Variants in CTNNA3 observed in about 807,000 individuals in gnomAD.
The protein encoded by CTNNA3 is catenin alpha 3, also known as catenin alpha-3.
In CTNNA3, 76 loss-of-function variants were observed where a neutral mutation model predicts 95.7. The ratio of observed to expected loss-of-function variants is 0.79; its 90% CI spans 0.66 to 0.96. CTNNA3 has a LOEUF of 0.96. Among genes scored for constraint, CTNNA3 ranks in the 40% least tolerant of loss-of-function variants. CTNNA3 has a pLI of 0.00. For synonymous variants in CTNNA3, 431 were observed against 374.4 expected, an observed-to-expected ratio of 1.15 and a Z score of -1.74; for missense variants, 1,191 against 1,089.8, an observed-to-expected ratio of 1.09 and a Z score of -1.31.
At position 67,180,405 on chromosome 10, in the gene CTNNA3, G is replaced by C; in HGVS notation, c.959C>G (p.Thr320Arg). The C allele has an allele frequency of 6.2e-7, 1 of 1,613,756 alleles. No individual in the cohort carries two copies. Among genetic ancestry groups the C allele is most frequent in the Non-Finnish European group, 8.5e-7 (1 of 1,179,854 alleles). ...AATCCGCTCTCGGTGTAAGTCCCTCGTACATGAAGAATCCGCCAGCAGAGC... is the reference window on the plus strand; with the variant it reads ...AATCCGCTCTCGGTGTAAGTCCCTCCTACATGAAGAATCCGCCAGCAGAGC... ...GAALLADSSC[T>R]RDLHRERIIA... The change falls in exon 7 of 18, where the codon ACG becomes AGG. Residue 320 changes from threonine (T) to arginine (R), a missense_variant. Coordinates refer to ENST00000433211, the MANE Select transcript of CTNNA3 (RefSeq NM_013266.4).
At chr10:67,364,435 C>T (rs1275879938) in intron 5 of CTNNA3, among the ~76,000 whole-genome samples, 1 of 152,172 alleles carries the variant, frequency 6.6e-6, no homozygotes, top group Non-Finnish European at 1.5e-5. Context: ...CCTCTCTCAC[C>T]ACTCCTATTC....
At chr10:65,944,489 T>C (rs2077479040) in intron 17 of CTNNA3, among the ~76,000 whole-genome samples, 1 of 152,226 alleles carries the variant, frequency 6.6e-6, no homozygotes, top group African/African-American at 2.4e-5. Flanking sequence ...CAGCATAATT[T>C]ATCTTCCAGA....
chr10:66,430,493 C>T (rs1048181082), intron 11 of CTNNA3, among the ~76,000 whole-genome samples: 1 of 152,190 alleles, frequency 6.6e-6, no homozygotes, highest in African/African-American at 2.4e-5. Flanking sequence ...TGCTACCTGA[C>T]TTCAGACTAT....
intron 17 of CTNNA3, among the ~76,000 whole-genome samples, chr10:65,932,428 A>C (rs1400345370): frequency 1.3e-5 from 2 of 152,186 alleles, no homozygotes; most frequent in Non-Finnish European, 2.9e-5. Flanking sequence ...CATATGCTTT[A>C]AAATATTATC....
At chr10:67,262,445 A>C (rs1866658821) in intron 5 of CTNNA3, among the ~76,000 whole-genome samples, 1 of 152,172 alleles carries the variant, frequency 6.6e-6, no homozygotes, top group South Asian at 2.1e-4. Flanking sequence ...AGGAAAGCTT[A>C]TTACTAGTGA....
At chr10:66,186,749 G>C (rs2086365307) in intron 13 of CTNNA3, among the ~76,000 whole-genome samples, 1 of 151,988 alleles carries the variant, frequency 6.6e-6, no homozygotes, top group Admixed American at 6.6e-5. Flanking sequence ...AGACTATCAA[G>C]AATTTGGTGT....
intron 11 of CTNNA3, among the ~76,000 whole-genome samples, chr10:66,419,838 C>A (rs2093177157): frequency 6.6e-6 from 1 of 151,934 alleles, no homozygotes; most frequent in African/African-American, 2.4e-5. Context: ...CAGTCACAGG[C>A]AAAAGAATGA....
At chr10:66,746,055 C>T (rs1362996975) in intron 9 of CTNNA3, among the ~76,000 whole-genome samples, 2 of 151,982 alleles carry the variant, frequency 1.3e-5, no homozygotes, top group African/African-American at 4.8e-5. Context: ...AACTATATGC[C>T]ATCGGCATGT....
intron 5 of CTNNA3, among the ~76,000 whole-genome samples, chr10:67,342,141 G>A (rs578162749): frequency 2.1e-3 from 230 of 109,950 alleles, no homozygotes; most frequent in Middle Eastern, 0.01. Context: ...TCACTCTGTC[G>A]CCCAGGCTGG....
Position 66,621,718 on chromosome 10 carries a change from T to G in CTNNA3, c.1348A>C (p.Asn450His). 6.2e-7 allele frequency: 1 copy of G among 1,611,594 alleles called. No homozygotes were observed. The highest frequency in any genetic ancestry group is 2.2e-5 in the East Asian group (1 of 44,686). The change falls in exon 10 of 18, where the codon AAT becomes CAT. Residue 450 changes from asparagine (N) to histidine (H), a missense_variant. Physicochemically the swap from Asn to His is moderately conservative, Grantham distance 68. Coordinates refer to ENST00000433211, the MANE Select transcript of CTNNA3 (RefSeq NM_013266.4). ...TGTGGACACAAGGTTTCCAAATGAT[T>G]GGCTGCAATTTTGACAATTTTAATT... is the stretch of plus-strand genomic sequence containing the variant. ...DGIKIVKIAA[N>H]HLETLCPQII...
intron 3 of CTNNA3, among the ~76,000 whole-genome samples, chr10:67,577,290 T>C (rs1295600794): frequency 6.6e-6 from 1 of 151,856 alleles, no homozygotes; most frequent in African/African-American, 2.4e-5. Context: ...TGATTTGCAT[T>C]TCTCTGATGG....
intron 9 of CTNNA3, among the ~76,000 whole-genome samples, chr10:66,631,993 TAGC>T (rs59811010): frequency 0.069 from 10,517 of 152,094 alleles, 490 homozygotes; most frequent in Non-Finnish European, 0.1. Context: ...ATAAATTTCA[TAGC>T]AGTATATATC....
At position 67,579,740 on chromosome 10, in the gene CTNNA3, A is replaced by G. The variant is rs377075815; in HGVS notation, c.292+27117T>C. On this transcript the variant is annotated intron_variant, in intron 3 of 17. Transcript: ENST00000433211. Reference sequence around the variant, plus strand: ...GTTGTTTCCTGACTTTTTAATGATCACCATTCTAACTGGTGTGAGATGGTA... The same window carrying G: ...GTTGTTTCCTGACTTTTTAATGATCGCCATTCTAACTGGTGTGAGATGGTA... Among the ~76,000 whole-genome samples, 483 of 141,414 alleles carry G rather than the reference A, an allele frequency of 3.4e-3. 1 individual carries two copies. The highest frequency in any genetic ancestry group is 7.3e-3 in the African/African-American group (244 of 33,210). The allele number at this position is 141,414 out of a possible 152,430, so 92.8% of individuals were successfully genotyped here. A position where few individuals can be genotyped will look rare whatever the true frequency, so the allele number is the denominator to read the frequency against.
intron 7 of CTNNA3, among the ~76,000 whole-genome samples, chr10:67,068,782 A>C (rs1252126906): frequency 6.6e-6 from 1 of 152,212 alleles, no homozygotes; most frequent in East Asian, 1.9e-4. Context: ...AGTTTGGACC[A>C]GGCATTGTGG....
intron 7 of CTNNA3, among the ~76,000 whole-genome samples, chr10:67,174,992 G>A (rs1387980634): frequency 1.3e-5 from 2 of 150,588 alleles, no homozygotes; most frequent in Non-Finnish European, 2.9e-5. Flanking sequence ...TAATGAAAAC[G>A]GTTAAGAATA....
At position 66,970,670 on chromosome 10, in the gene CTNNA3, A is replaced by G. The variant is rs370714264; in HGVS notation, c.1048-195146T>C. On this transcript the variant is annotated intron_variant, in intron 7 of 17. Coordinates refer to ENST00000433211, the MANE Select transcript of CTNNA3 (RefSeq NM_013266.4). ...ATATAACCAGAAAATCTGCATCTAC[A>G]TAATGACACTATTTTCACATAGCCC... is the stretch of plus-strand genomic sequence containing the variant. 9.3e-4 allele frequency among the ~76,000 whole-genome samples: 142 copies of G among 152,294 alleles called. 1 individual carries two copies. The highest frequency in any genetic ancestry group is 3.2e-3 in the African/African-American group (132 of 41,548).
Position 66,636,999 on chromosome 10 carries a change from A to T in CTNNA3, c.1282-15215T>A, listed in dbSNP as rs577472189. Among the ~76,000 whole-genome samples, 14 of 152,316 alleles carry T rather than the reference A, an allele frequency of 9.2e-5. No homozygotes were observed. In the South Asian group the frequency reaches 2.5e-3, roughly 27 times the overall value. On this transcript the variant is annotated intron_variant, in intron 9 of 17. Transcript: ENST00000433211. Reference sequence around the variant, plus strand: ...AAAAAATGTTAGCTGGATAGTTTTAAAAAGTCTTAAAGAAAGACAATTTCT... The same window carrying T: ...AAAAAATGTTAGCTGGATAGTTTTATAAAGTCTTAAAGAAAGACAATTTCT...
intron 7 of CTNNA3, among the ~76,000 whole-genome samples, chr10:66,843,420 T>C (rs950228034): frequency 1.3e-5 from 2 of 152,110 alleles, no homozygotes; most frequent in South Asian, 4.1e-4. Context: ...GGACAGAAAA[T>C]GTGAGATGTG....
chr10:67,108,935 T>A (rs1236088208), intron 7 of CTNNA3, among the ~76,000 whole-genome samples: 3 of 152,182 alleles, frequency 2.0e-5, no homozygotes, highest in Non-Finnish European at 2.9e-5. Flanking sequence ...AGCTATTCCA[T>A]GATAAATAAA....
Sources: allele counts gnomAD v4.1 joint callset (sites outside exome capture counted in the v4.1 genomes callset), GRCh38; gene constraint gnomAD v4.1.1; transcripts MANE v1.5; gene names NCBI Gene and HGNC (gene_info 2026-07-23, HGNC 2026-07-21).